The following SPRED1 variants were observed in gnomAD, a reference collection of about 807,000 sequenced individuals.
SPRED1 encodes sprouty related EVH1 domain containing 1, also known as sprouty-related, EVH1 domain-containing protein 1.
SPRED1 carries 18 observed loss-of-function variants against 52.3 expected under a neutral mutation model. That is an observed-to-expected ratio of 0.34 (90% CI 0.24 to 0.51). The LOEUF (loss-of-function observed/expected upper bound fraction) is 0.51. SPRED1 is among the 20% of genes least tolerant of loss of function. SPRED1 has a pLI of 0.97. For synonymous variants in SPRED1, 155 were observed against 179.7 expected (o/e 0.86, Z 1.10); for missense variants, 485 against 551.0 (o/e 0.88, Z 1.20).
chr15:38,349,749 G>C (rs999590893), intron 6 of SPRED1, among the ~76,000 whole-genome samples: 2 of 152,118 alleles, frequency 1.3e-5, no homozygotes, highest in South Asian at 2.1e-4. Context: ...GGACCAAAAG[G>C]AATTATATAT....
chr15:38,263,288 G>T (rs12898439), intron 1 of SPRED1, among the ~76,000 whole-genome samples: 1 of 152,134 alleles, frequency 6.6e-6, no homozygotes, highest in Non-Finnish European at 1.5e-5. Context: ...TTTTTAGTCT[G>T]GGTGCTTACT....
chr15:38,294,116 A>G (rs1159631106), intron 1 of SPRED1, among the ~76,000 whole-genome samples: 1 of 152,218 alleles, frequency 6.6e-6, no homozygotes, highest in African/African-American at 2.4e-5. Flanking sequence ...ACGTACTTAC[A>G]CTGTGAAGTA....
intron 5 of SPRED1, 147 bp downstream of exon 5, chr15:38,340,042 T>A: frequency 9.7e-7 from 1 of 1,034,698 alleles, no homozygotes; most frequent in Non-Finnish European, 1.4e-6. Context: ...CAGGAGAATT[T>A]GATTTATAAT....
intron 1 of SPRED1, among the ~76,000 whole-genome samples, chr15:38,295,288 C>A (rs1895011029): frequency 6.6e-6 from 1 of 152,054 alleles, no homozygotes; most frequent in African/African-American, 2.4e-5. Context: ...AAAAATCACA[C>A]AAAAATTTCA....
chr15:38,329,297 G>C (rs1483480335), intron 4 of SPRED1, among the ~76,000 whole-genome samples: 7 of 152,162 alleles, frequency 4.6e-5, no homozygotes, highest in Admixed American at 4.6e-4. Context: ...ACGTGACTAA[G>C]TTAATCTTCT....
chr15:38,256,670 G>A (rs746632181), intron 1 of SPRED1, among the ~76,000 whole-genome samples: 24 of 152,066 alleles, frequency 1.6e-4, no homozygotes, highest in Non-Finnish European at 3.4e-4. Context: ...AGTTTGAACT[G>A]TTTTTCCGTA....
chr15:38,306,243 G>A (rs1895247915), intron 2 of SPRED1, among the ~76,000 whole-genome samples: 1 of 152,046 alleles, frequency 6.6e-6, no homozygotes, highest in Non-Finnish European at 1.5e-5. Flanking sequence ...TTCATCAGAA[G>A]TACCATGTAT....
chr15:38,343,323 C>T (rs1482816755), intron 5 of SPRED1, among the ~76,000 whole-genome samples: 1 of 151,540 alleles, frequency 6.6e-6, no homozygotes, highest in African/African-American at 2.4e-5. Context: ...GGTGCAGGGT[C>T]AAGAAATGAA....
chr15:38,253,080 C>T lies in SPRED1; in HGVS notation c.-106C>T. 1.1e-6 allele frequency: 1 copy of T among 944,416 alleles called. No homozygotes were observed. The highest frequency in any genetic ancestry group is 1.7e-6 in the Non-Finnish European group (1 of 600,874). The allele number at this position is 944,416 out of a possible 1,614,324, so 58.5% of individuals were successfully genotyped here. ...CATGGTGAGGCCCCTGTGCCGCTGCCCCCGCGCCCCCCCGGCCGCCGCTGC... is the reference window on the plus strand; with the variant it reads ...CATGGTGAGGCCCCTGTGCCGCTGCTCCCGCGCCCCCCCGGCCGCCGCTGC... On this transcript the variant is annotated 5_prime_UTR_variant, in exon 1 of 7. Transcript: ENST00000299084.
At chr15:38,332,515 G>T (rs1236128367) in intron 4 of SPRED1, among the ~76,000 whole-genome samples, 1 of 152,150 alleles carries the variant, frequency 6.6e-6, no homozygotes, top group Non-Finnish European at 1.5e-5. Flanking sequence ...CAAGGTTACA[G>T]TGAGCTGTGA....
chr15:38,290,632 TC>T (rs1162025795), intron 1 of SPRED1, among the ~76,000 whole-genome samples: 1 of 151,958 alleles, frequency 6.6e-6, no homozygotes, highest in Non-Finnish European at 1.5e-5. Flanking sequence ...GGCCTCAGAG[TC>T]ATGGCGGGAG....
At chr15:38,288,520 G>A (rs143854032) in intron 1 of SPRED1, among the ~76,000 whole-genome samples, 31 of 152,236 alleles carry the variant, frequency 2.0e-4, no homozygotes, top group African/African-American at 3.6e-4. Flanking sequence ...GTGCTACTCC[G>A]AGGAGGATTC....
At chr15:38,333,141 C>T (rs527424571) in intron 4 of SPRED1, among the ~76,000 whole-genome samples, 9 of 152,008 alleles carry the variant, frequency 5.9e-5, no homozygotes, top group African/African-American at 1.7e-4. Context: ...ACAGGAAAAA[C>T]GTAAGTAAAA....
At chr15:38,319,911 A>C (rs535980693) in intron 2 of SPRED1, among the ~76,000 whole-genome samples, 1 of 152,360 alleles carries the variant, frequency 6.6e-6, no homozygotes, top group African/African-American at 2.4e-5. Flanking sequence ...TAGCATTTAC[A>C]TACCTCTACC....
chr15:38,299,338 GA>G (rs1235148954), intron 1 of SPRED1, 34 bp from the exon 2 acceptor site: 1 of 1,612,584 alleles, frequency 6.2e-7, no homozygotes, highest in Non-Finnish European at 8.5e-7. Context: ...TTTGTTTATG[GA>G]AAAGCTAATT....
At chr15:38,341,766 A>G (rs957930001) in intron 5 of SPRED1, among the ~76,000 whole-genome samples, 4 of 152,192 alleles carry the variant, frequency 2.6e-5, no homozygotes, top group Admixed American at 6.5e-5. Flanking sequence ...ATGGCCCAGC[A>G]TATATGGTCA....
chr15:38,293,098 A>ATTTTTTTTTTT lies in SPRED1; in HGVS notation c.33-6275_33-6274insTTTTTTTTTTT, dbSNP rs1566857726. 1.6e-3 allele frequency among the ~76,000 whole-genome samples: 33 copies of ATTTTTTTTTTT among 20,170 alleles called. 1 individual carries two copies. Among genetic ancestry groups the ATTTTTTTTTTT allele is most frequent in the South Asian group, 0.013 (4 of 312 alleles). The allele number at this position is 20,170 out of a possible 152,430, so 13.2% of individuals were successfully genotyped here. A position where few individuals can be genotyped will look rare whatever the true frequency, so the allele number is the denominator to read the frequency against. ...CTTAAGTAATTTACCCAAGATTACAACTTTTTTTTTTTTTTTTTTTGAGAC... is the reference window on the plus strand; with the variant it reads ...CTTAAGTAATTTACCCAAGATTACAATTTTTTTTTTTCTTTTTTTTTTTTTTTTTTTGAGAC... On this transcript the variant is annotated intron_variant, in intron 1 of 6. Transcript: ENST00000299084.
At chr15:38,333,645 G>A (rs918225839) in intron 4 of SPRED1, among the ~76,000 whole-genome samples, 1 of 152,060 alleles carries the variant, frequency 6.6e-6, no homozygotes, top group South Asian at 2.1e-4. Context: ...AGAATATGGA[G>A]CACCGATTGT....
intron 2 of SPRED1, among the ~76,000 whole-genome samples, chr15:38,309,202 G>A (rs1285196204): frequency 2.0e-5 from 3 of 152,084 alleles, no homozygotes; most frequent in African/African-American, 2.4e-5. Flanking sequence ...GTGCAGTGGC[G>A]TGATCTTGGC....
Sources: gnomAD v4.1 joint callset for allele counts (sites outside exome capture counted in the v4.1 genomes callset) on GRCh38, gnomAD v4.1.1 for gene constraint, MANE v1.5 for transcripts, NCBI Gene and HGNC (gene_info 2026-07-23, HGNC 2026-07-21) for gene names.